TRAM2: variants seen among roughly 807,000 people sequenced by gnomAD.
TRAM2 encodes the protein translocation associated membrane protein 2.
TRAM2 carries 12 observed loss-of-function variants against 51.0 expected under a neutral mutation model. The ratio of observed to expected loss-of-function variants is 0.24; its 90% confidence interval spans 0.15 to 0.38. The LOEUF is 0.38. Ranked by LOEUF, TRAM2 falls within the 10% of genes least tolerant of loss-of-function variation. TRAM2 has a pLI of 1.00. For missense variants in TRAM2, 361 were observed against 462.0 expected (o/e 0.78, Z 2.00); for synonymous variants, 175 against 179.4 (o/e 0.98, Z 0.20).
intron 4 of TRAM2, among the ~76,000 whole-genome samples, chr6:52,515,618 G>C (rs1280618962): frequency 6.6e-6 from 1 of 152,156 alleles, no homozygotes; most frequent in Non-Finnish European, 1.5e-5. Context: ...TTTGAGCTTG[G>C]AACTCTTCAA....
intron 1 of TRAM2, among the ~76,000 whole-genome samples, chr6:52,556,435 A>G (rs1581699188): frequency 6.6e-6 from 1 of 151,894 alleles, no homozygotes; most frequent in African/African-American, 2.4e-5. Flanking sequence ...CATGTGCCAC[A>G]ACACCCAGCT....
intron 1 of TRAM2, among the ~76,000 whole-genome samples, chr6:52,564,583 C>T (rs1767558850): frequency 6.6e-6 from 1 of 152,064 alleles, no homozygotes; most frequent in Admixed American, 6.6e-5. Flanking sequence ...ATGAACAGTC[C>T]CTACCCTTCC....
intron 1 of TRAM2, among the ~76,000 whole-genome samples, chr6:52,551,618 C>T (rs997467060): frequency 8.5e-5 from 13 of 152,314 alleles, no homozygotes; most frequent in African/African-American, 2.9e-4. Flanking sequence ...TTCCCTGGCC[C>T]GTGTAAACAC....
chr6:52,573,159 T>C (rs1231238195), intron 1 of TRAM2, among the ~76,000 whole-genome samples: 1 of 152,166 alleles, frequency 6.6e-6, no homozygotes, highest in Non-Finnish European at 1.5e-5. Context: ...ACCCCCTTTT[T>C]CCTCATTCTC....
intron 1 of TRAM2, among the ~76,000 whole-genome samples, chr6:52,552,841 G>A (rs1367769401): frequency 1.3e-5 from 2 of 152,178 alleles, no homozygotes; most frequent in Non-Finnish European, 2.9e-5. Context: ...CCAGGAGAAA[G>A]CTCTATACTT....
At chr6:52,557,491 TAAGTAA>T (rs1767430407) in intron 1 of TRAM2, among the ~76,000 whole-genome samples, 1 of 152,180 alleles carries the variant, frequency 6.6e-6, no homozygotes, top group African/African-American at 2.4e-5. Flanking sequence ...CGGCCACAGT[TAAGTAA>T]CTTCATCATG....
intron 1 of TRAM2, among the ~76,000 whole-genome samples, chr6:52,545,100 A>G (rs988079502): frequency 1.3e-5 from 2 of 152,246 alleles, no homozygotes; most frequent in African/African-American, 4.8e-5. Context: ...CTGCTAGGCT[A>G]GTCTCCATTC....
chr6:52,529,634 A>G (rs900491833), intron 2 of TRAM2: 1 of 152,154 alleles, frequency 6.6e-6, no homozygotes, highest in Non-Finnish European at 1.5e-5. Context: ...TACAAGAACC[A>G]CTGGGGCTGA....
intron 1 of TRAM2, among the ~76,000 whole-genome samples, chr6:52,541,059 G>A (rs111488880): frequency 1.8e-3 from 281 of 152,310 alleles, no homozygotes; most frequent in African/African-American, 6.6e-3. Context: ...TGTATTAGGG[G>A]CACATGAACC....
At chr6:52,518,080 G>T (rs1382835214) in intron 2 of TRAM2, among the ~76,000 whole-genome samples, 1 of 152,210 alleles carries the variant, frequency 6.6e-6, no homozygotes, top group East Asian at 1.9e-4. Flanking sequence ...AGTGCAGCAG[G>T]GAGACTAACA....
At chr6:52,508,119 A>G (rs1190828245) in intron 6 of TRAM2, 115 bp downstream of exon 6, 7 of 936,914 alleles carry the variant, frequency 7.5e-6, no homozygotes, top group South Asian at 6.6e-5. Context: ...ACATATTCCT[A>G]TCACCACCCA....
At chr6:52,554,841 T>C (rs1289461272) in intron 1 of TRAM2, among the ~76,000 whole-genome samples, 6 of 146,376 alleles carry the variant, frequency 4.1e-5, no homozygotes, top group African/African-American at 1.3e-4. Context: ...CAACCACAGC[T>C]CACCACAGCC....
chr6:52,523,637 G>C (rs953496610), intron 2 of TRAM2: 2 of 152,208 alleles, frequency 1.3e-5, no homozygotes, highest in African/African-American at 4.8e-5. Flanking sequence ...CCTCTTTGGA[G>C]GGCAATTTGG....
chr6:52,542,279 A>ATTTT (rs1255672331), intron 1 of TRAM2, among the ~76,000 whole-genome samples: 18,679 of 128,310 alleles, frequency 0.15, 1,788 homozygotes, highest in African/African-American at 0.31. Flanking sequence ...TTTTTTTTAA[A>ATTTT]AAAAATAGTC....
Position 52,506,166 on chromosome 6 carries a change from C to T in TRAM2, c.627-30G>A, listed in dbSNP as rs748460244. 1.2e-5 allele frequency: 19 copies of T among 1,595,750 alleles called. No homozygotes were observed. The South Asian group carries it at 2.1e-4, about 18-fold the overall frequency. On this transcript the variant is annotated intron_variant, in intron 7 of 10. Coordinates refer to ENST00000182527, the MANE Select transcript of TRAM2 (RefSeq NM_012288.4). ...GGGTGGGGAAGACTAGACTTACATT[C>T]CCTCCAAGATGCTGCGTGGAGCAGA...
At chr6:52,535,472 C>T (rs528225774) in intron 2 of TRAM2, among the ~76,000 whole-genome samples, 3 of 152,174 alleles carry the variant, frequency 2.0e-5, no homozygotes, top group South Asian at 2.1e-4. Context: ...CACGAGGTCA[C>T]GAGTTCGAGA....
Position 52,555,578 on chromosome 6 carries a change from C to T in TRAM2, c.121-19732G>A, listed in dbSNP as rs992523647. ...CCAAACGTTTACAGAAAAAGGCCCA[C>T]ACCAATATGGTATTCTGTAAGCTGC... On this transcript the variant is annotated intron_variant, in intron 1 of 10. Transcript: ENST00000182527. 2.0e-5 allele frequency among the ~76,000 whole-genome samples: 3 copies of T among 152,258 alleles called. No individual in the cohort carries two copies. In the East Asian group the frequency reaches 5.8e-4, roughly 29 times the overall value.
rs59714938 is a variant in TRAM2, at chr6:52,500,528, GTTTTTTTTTT to G, written c.*2659_*2668del. ...ACTCATGGTCTCAGGGTTTTTTTTT[GTTTTTTTTTT>G]TTTTTTTACATAAAATAAACCCTTA... is the stretch of plus-strand genomic sequence containing the variant. On this transcript the variant is annotated 3_prime_UTR_variant, in exon 11 of 11. Transcript: ENST00000182527. 4.1e-5 allele frequency: 5 copies of G among 123,028 alleles called. No homozygotes were observed. Among genetic ancestry groups the G allele is most frequent in the Non-Finnish European group, 9.2e-5 (5 of 54,418 alleles). 7.6% of individuals were successfully genotyped at this position (123,028 alleles called of 1,614,324 possible). A position where few individuals can be genotyped will look rare whatever the true frequency, so the allele number is the denominator to read the frequency against.
chr6:52,563,378 T>G (rs1378441013), intron 1 of TRAM2, among the ~76,000 whole-genome samples: 1 of 152,182 alleles, frequency 6.6e-6, no homozygotes, highest in Non-Finnish European at 1.5e-5. Context: ...GCTTCTTGTA[T>G]TTGCTTAAAT....
Sources: allele counts gnomAD v4.1 joint callset (sites outside exome capture counted in the v4.1 genomes callset), GRCh38; gene constraint gnomAD v4.1.1; transcripts MANE v1.5; gene names NCBI Gene and HGNC (gene_info 2026-07-23, HGNC 2026-07-21).